Variants in RSBN1 observed in about 807,000 individuals in gnomAD.
The protein encoded by RSBN1 is round spermatid basic protein 1.
Under a neutral mutation model 74.8 loss-of-function variants are expected in RSBN1, and 23 were observed. That is an observed-to-expected ratio of 0.31 (90% CI 0.22 to 0.44). The LOEUF (loss-of-function observed/expected upper bound fraction) is 0.44, where lower values mean the gene tolerates loss of function less well. Among genes scored for constraint, RSBN1 ranks in the 20% least tolerant of loss-of-function variants. RSBN1 has a pLI of 1.00. For synonymous variants in RSBN1, 407 were observed against 379.6 expected (o/e 1.07, Z -0.84); for missense variants, 808 against 1,020.9 (o/e 0.79, Z 2.84).
intron 1 of RSBN1, among the ~76,000 whole-genome samples, chr1:113,806,588 C>A (rs1390378596): frequency 6.6e-6 from 1 of 151,234 alleles, no homozygotes; most frequent in South Asian, 2.1e-4. Flanking sequence ...TCTTTGGGAT[C>A]TAGGACTTGG....
At chr1:113,779,298 T>C (rs1310124403) in intron 2 of RSBN1, among the ~76,000 whole-genome samples, 1 of 152,238 alleles carries the variant, frequency 6.6e-6, no homozygotes, top group African/African-American at 2.4e-5. Context: ...CCATTTGTTC[T>C]TTAGCAGCAT....
intron 1 of RSBN1, among the ~76,000 whole-genome samples, chr1:113,806,429 A>C (rs906085452): frequency 2.0e-5 from 3 of 152,208 alleles, no homozygotes; most frequent in African/African-American, 7.2e-5. Context: ...TTTCAACAAA[A>C]GGTGCTAGAG....
In RSBN1 at chr1:113,797,937, C is replaced by T; in HGVS notation, c.803G>A (p.Gly268Glu). ...CTTATTGTACATTTTAAGGCGTCTT[C>T]CTCGCATGTCTTCTCGGTGTTTCTT... ...KKKKHREDMR[G>E]RRLKMYNKEV... The change falls in exon 2 of 7, where the codon GGA (glycine) becomes GAA (glutamate). Residue 268 changes from glycine to glutamate, a missense_variant. Coordinates refer to ENST00000261441, the MANE Select transcript of RSBN1 (RefSeq NM_018364.5). 1 of 1,613,496 alleles carries T rather than the reference C, an allele frequency of 6.2e-7. No homozygotes were observed. The highest frequency in any genetic ancestry group is 8.5e-7 in the Non-Finnish European group (1 of 1,179,830).
chr1:113,787,728 TC>T (rs2101808254), intron 2 of RSBN1, among the ~76,000 whole-genome samples: 1 of 152,188 alleles, frequency 6.6e-6, no homozygotes, highest in African/African-American at 2.4e-5. Context: ...ACCTACTCCA[TC>T]CCCTGACAAA....
intron 2 of RSBN1, 99 bp downstream of exon 2, chr1:113,797,262 ATT>A (rs1242722168): frequency 1.1e-6 from 1 of 937,708 alleles, no homozygotes; most frequent in African/African-American, 1.7e-5. Flanking sequence ...ATTACCATAA[ATT>A]TGTTATCAAA....
intron 4 of RSBN1, among the ~76,000 whole-genome samples, chr1:113,776,203 G>C (rs1451847008): frequency 6.6e-6 from 1 of 152,178 alleles, no homozygotes; most frequent in African/African-American, 2.4e-5. Flanking sequence ...TGGTTACCTA[G>C]TATATGTCAT....
intron 1 of RSBN1, among the ~76,000 whole-genome samples, chr1:113,808,280 T>C (rs1266850919): frequency 6.6e-6 from 1 of 152,142 alleles, no homozygotes; most frequent in Non-Finnish European, 1.5e-5. Flanking sequence ...TTTTAAATCA[T>C]CTCCAGATTA....
chr1:113,811,998 C>A lies in RSBN1; in HGVS notation c.415G>T (p.Glu139Ter). Reference protein sequence around the residue: ...NAAPTVPGPVEPLLLPPPPPP... With the variant: ...NAAPTVPGPV ...GGCGGAGGCGGCAGGAGAAGAGGCT[C>A]AACAGGGCCTGGGACAGTTGGGGCT... The change falls in exon 1 of 7, where the codon GAG (glutamate) becomes TAG (stop). Residue 139 changes from glutamate to a stop codon, truncating the protein, a stop_gained. Transcript: ENST00000261441. LOFTEE classifies it high-confidence loss of function. The A allele has an allele frequency of 6.4e-7, 1 of 1,555,036 alleles. No homozygotes were observed. Among genetic ancestry groups the A allele is most frequent in the Admixed American group, 2.0e-5 (1 of 50,568 alleles).
Position 113,797,470 on chromosome 1 carries a change from C to T in RSBN1, c.1270G>A (p.Asp424Asn), listed in dbSNP as rs1249877655. The change falls in exon 2 of 7, where the codon GAC becomes AAC. Residue 424 changes from aspartate (D) to asparagine (N), a missense_variant. Coordinates refer to ENST00000261441, the MANE Select transcript of RSBN1 (RefSeq NM_018364.5). Reference sequence around the variant, plus strand: ...TTAAAAGCAAAGTAGTCCAAGAAGTCTGGGAGATAAGCAGCCGCTCCATGC... The same window carrying T: ...TTAAAAGCAAAGTAGTCCAAGAAGTTTGGGAGATAAGCAGCCGCTCCATGC... Reference protein sequence around the residue: ...IVHGAAAYLPDFLDYFAFNFP... With the variant: ...IVHGAAAYLPNFLDYFAFNFP... 6.2e-7 allele frequency: 1 copy of T among 1,613,918 alleles called. No individual in the cohort carries two copies. Among genetic ancestry groups the T allele is most frequent in the East Asian group, 2.2e-5 (1 of 44,892 alleles).
rs372790927 is a variant in RSBN1, at chr1:113,812,017, T to C, written c.396A>G (p.Pro132=). ...GAGGCTCAACAGGGCCTGGGACAGT[T>C]GGGGCTGCATTCGTTGGCGGCAGCG... ...PGPLPPTNAA[P]TVPGPVEPLL... Residue 132 remains proline, a synonymous_variant, in exon 1 of 7, where the codon CCA becomes CCG. Transcript: ENST00000261441. The C allele has an allele frequency of 4.9e-5, 75 of 1,536,538 alleles. No individual in the cohort carries two copies. Among genetic ancestry groups the C allele is most frequent in the Non-Finnish European group, 6.0e-5 (68 of 1,142,136 alleles).
intron 4 of RSBN1, among the ~76,000 whole-genome samples, chr1:113,770,129 A>T (rs1571294356): frequency 6.6e-6 from 1 of 152,340 alleles, no homozygotes; most frequent in South Asian, 2.1e-4. Flanking sequence ...ATAGACATGA[A>T]CTGATTCTGT....
chr1:113,801,407 T>C (rs1660582450), intron 1 of RSBN1, among the ~76,000 whole-genome samples: 1 of 152,240 alleles, frequency 6.6e-6, no homozygotes, highest in Non-Finnish European at 1.5e-5. Context: ...AAATTTATTA[T>C]TGAATTACCG....
rs1171237138 is a variant in RSBN1, at chr1:113,763,002, C to T, written c.*2978G>A. ...GTACTGAATAAGCAAATTAAAGGTA[C>T]AATTAAACCTAGGAACCAATTTTTA... On this transcript the variant is annotated 3_prime_UTR_variant, in exon 7 of 7. Coordinates refer to ENST00000261441, the MANE Select transcript of RSBN1 (RefSeq NM_018364.5). The T allele has an allele frequency of 1.3e-5, 2 of 152,678 alleles. No homozygotes were observed. The highest frequency in any genetic ancestry group is 4.8e-5 in the African/African-American group (2 of 41,430). The allele number at this position is 152,678 out of a possible 1,614,324, so 9.5% of individuals were successfully genotyped here.
chr1:113,779,896 C>T (rs1323487825), intron 2 of RSBN1, among the ~76,000 whole-genome samples: 1 of 151,998 alleles, frequency 6.6e-6, no homozygotes, highest in Non-Finnish European at 1.5e-5. Flanking sequence ...TGGTGCATGC[C>T]TGTAGTCCCA....
chr1:113,803,940 A>C (rs1266922447), intron 1 of RSBN1, among the ~76,000 whole-genome samples: 1 of 98,990 alleles, frequency 1.0e-5, no homozygotes, highest in African/African-American at 3.1e-5. Flanking sequence ...CCATTTTTAC[A>C]AAAAAAAAAA....
intron 4 of RSBN1, among the ~76,000 whole-genome samples, chr1:113,769,474 A>G (rs1426958532): frequency 1.3e-5 from 2 of 152,240 alleles, no homozygotes; most frequent in Non-Finnish European, 2.9e-5. Context: ...GGATTAGAGT[A>G]CAGATGAAAC....
chr1:113,776,162 T>C (rs1404406560), intron 4 of RSBN1, among the ~76,000 whole-genome samples: 1 of 152,236 alleles, frequency 6.6e-6, no homozygotes, highest in Non-Finnish European at 1.5e-5. Flanking sequence ...CTCGGTCCTA[T>C]AGAACATTAT....
chr1:113,791,375 T>A (rs1660360811), intron 2 of RSBN1, among the ~76,000 whole-genome samples: 1 of 152,242 alleles, frequency 6.6e-6, no homozygotes, highest in Non-Finnish European at 1.5e-5. Context: ...TTATCCTGTA[T>A]GAATTTCTGA....
At chr1:113,803,129 C>T (rs1176716970) in intron 1 of RSBN1, among the ~76,000 whole-genome samples, 1 of 152,172 alleles carries the variant, frequency 6.6e-6, no homozygotes, top group African/African-American at 2.4e-5. Context: ...TGGCTTCTTC[C>T]ACTTGGTAAT....
Sources: gnomAD v4.1 joint callset for allele counts (sites outside exome capture counted in the v4.1 genomes callset) on GRCh38, gnomAD v4.1.1 for gene constraint, MANE v1.5 for transcripts, NCBI Gene and HGNC (gene_info 2026-07-23, HGNC 2026-07-21) for gene names.